Variants in CNTN5 observed in about 807,000 individuals in gnomAD.
CNTN5 encodes the protein contactin 5.
Under a neutral mutation model 129.1 loss-of-function variants are expected in CNTN5, and 77 were observed. The observed-to-expected ratio is 0.60, with a 90% CI of 0.50 to 0.72. The LOEUF (loss-of-function observed/expected upper bound fraction) is 0.72, where lower values mean the gene tolerates loss of function less well. Among genes scored for constraint, CNTN5 ranks in the 30% least tolerant of loss-of-function variants. The pLI is 0.00. For synonymous variants in CNTN5, 509 were observed against 465.6 expected (o/e 1.09, Z -1.20); for missense variants, 1,478 against 1,328.8 (o/e 1.11, Z -1.75).
At chr11:100,098,036 G>C (rs1420696338) in intron 13 of CNTN5, among the ~76,000 whole-genome samples, 1 of 151,836 alleles carries the variant, frequency 6.6e-6, no homozygotes, top group African/African-American at 2.4e-5. Flanking sequence ...CTAGGTAATA[G>C]GTTAGCTTTA....
intron 13 of CNTN5, among the ~76,000 whole-genome samples, chr11:100,092,004 T>A (rs1461321476): frequency 6.6e-6 from 1 of 152,130 alleles, no homozygotes; most frequent in Admixed American, 6.6e-5. Flanking sequence ...GACAGTATTA[T>A]ATACCACTCT....
At chr11:99,381,788 G>T (rs1022839108) in intron 2 of CNTN5, among the ~76,000 whole-genome samples, 1 of 152,064 alleles carries the variant, frequency 6.6e-6, no homozygotes, top group Non-Finnish European at 1.5e-5. Context: ...TAGGGCAGTG[G>T]TTCTCAAGCT....
At chr11:99,968,456 T>G (rs1425945941) in intron 8 of CNTN5, among the ~76,000 whole-genome samples, 1 of 152,048 alleles carries the variant, frequency 6.6e-6, no homozygotes, top group African/African-American at 2.4e-5. Context: ...TGTGTCAACA[T>G]GGAAATTCTG....
At chr11:99,225,696 C>A (rs1260371550) in intron 1 of CNTN5, among the ~76,000 whole-genome samples, 1 of 152,100 alleles carries the variant, frequency 6.6e-6, no homozygotes, top group Non-Finnish European at 1.5e-5. Flanking sequence ...TTACTTTTGT[C>A]ATTAATTAAT....
At chr11:100,343,714 C>T (rs1952216480) in intron 23 of CNTN5, among the ~76,000 whole-genome samples, 1 of 152,144 alleles carries the variant, frequency 6.6e-6, no homozygotes, top group African/African-American at 2.4e-5. Context: ...GATCCCCACA[C>T]AGCAGTGAAA....
At chr11:99,872,585 C>T (rs887814926) in intron 6 of CNTN5, among the ~76,000 whole-genome samples, 2 of 151,982 alleles carry the variant, frequency 1.3e-5, no homozygotes, top group African/African-American at 4.8e-5. Context: ...ACTCTGAAGA[C>T]AAAAATCTGT....
chr11:99,428,559 C>CAAAAA (rs60754666), intron 2 of CNTN5, among the ~76,000 whole-genome samples: 5 of 57,314 alleles, frequency 8.7e-5, no homozygotes, highest in African/African-American at 2.3e-4. Context: ...GACCCTGTCT[C>CAAAAA]AAAAAAAAAA....
intron 3 of CNTN5, among the ~76,000 whole-genome samples, chr11:99,577,664 T>G (rs1223157197): frequency 6.6e-6 from 1 of 151,996 alleles, no homozygotes; most frequent in Non-Finnish European, 1.5e-5. Flanking sequence ...ATACAGTGTT[T>G]AAAAGAGTTT....
At chr11:99,759,298 G>T (rs116991643) in intron 3 of CNTN5, among the ~76,000 whole-genome samples, 1 of 152,070 alleles carries the variant, frequency 6.6e-6, no homozygotes, top group Non-Finnish European at 1.5e-5. Flanking sequence ...TGAAATTCAG[G>T]TGATAGATTT....
chr11:99,678,777 C>T (rs578220387), intron 3 of CNTN5, among the ~76,000 whole-genome samples: 194 of 151,848 alleles, frequency 1.3e-3, no homozygotes, highest in African/African-American at 4.1e-3. Flanking sequence ...GGTGGCACAG[C>T]GCCAACTACA....
intron 1 of CNTN5, among the ~76,000 whole-genome samples, chr11:99,059,298 C>T (rs1484549436): frequency 6.6e-6 from 1 of 152,026 alleles, no homozygotes; most frequent in African/African-American, 2.4e-5. Context: ...ATCATGGAAA[C>T]AATATGTAGA....
chr11:100,136,233 A>G (rs1340241713), intron 13 of CNTN5, among the ~76,000 whole-genome samples: 1 of 145,406 alleles, frequency 6.9e-6, no homozygotes, highest in Non-Finnish European at 1.5e-5. Context: ...TTGTCCTTGA[A>G]TATGGTATTC....
At chr11:99,073,546 C>T (rs549790242) in intron 1 of CNTN5, among the ~76,000 whole-genome samples, 170 of 152,014 alleles carry the variant, frequency 1.1e-3, no homozygotes, top group African/African-American at 4.0e-3. Context: ...TTTCCCTCCC[C>T]TTGTCCCCCC....
intron 4 of CNTN5, among the ~76,000 whole-genome samples, chr11:99,830,882 G>A (rs1044099373): frequency 1.3e-5 from 2 of 152,086 alleles, no homozygotes; most frequent in African/African-American, 4.8e-5. Flanking sequence ...GTTACTGGGA[G>A]CTTAACAAAT....
intron 3 of CNTN5, among the ~76,000 whole-genome samples, chr11:99,634,872 G>A (rs907889698): frequency 6.6e-6 from 1 of 152,162 alleles, no homozygotes; most frequent in South Asian, 2.1e-4. Context: ...TCCACCCATA[G>A]CACCTGTTTG....
intron 2 of CNTN5, among the ~76,000 whole-genome samples, chr11:99,392,174 T>G (rs1292049732): frequency 6.6e-6 from 1 of 151,584 alleles, no homozygotes; most frequent in African/African-American, 2.4e-5. Flanking sequence ...GTAATGCTTT[T>G]AGATCCCATG....
chr11:99,676,956 T>C (rs914493447), intron 3 of CNTN5, among the ~76,000 whole-genome samples: 4 of 152,192 alleles, frequency 2.6e-5, no homozygotes, highest in African/African-American at 7.2e-5. Context: ...GTTATTAAAA[T>C]ATGTATATGA....
At chr11:99,115,948 T>C (rs530110169) in intron 1 of CNTN5, among the ~76,000 whole-genome samples, 18 of 152,168 alleles carry the variant, frequency 1.2e-4, no homozygotes, top group Non-Finnish European at 2.1e-4. Flanking sequence ...TAGGCTCATT[T>C]GTGAAAGAAG....
At chr11:99,855,454 A>G (rs11221641) in intron 6 of CNTN5, among the ~76,000 whole-genome samples, 27,976 of 152,182 alleles carry the variant, frequency 0.18, 2,591 homozygotes, top group South Asian at 0.21. Flanking sequence ...CCTAAACTCT[A>G]TATAGTCCTC....
Sources: gnomAD v4.1 joint callset for allele counts (sites outside exome capture counted in the v4.1 genomes callset) on GRCh38, gnomAD v4.1.1 for gene constraint, MANE v1.5 for transcripts, NCBI Gene and HGNC (gene_info 2026-07-23, HGNC 2026-07-21) for gene names.